Variants in KHDRBS2 observed in about 807,000 individuals in gnomAD.
KHDRBS2 encodes KH domain-containing, RNA-binding, signal transduction-associated protein 2.
In KHDRBS2, 26 loss-of-function variants were observed where a neutral mutation model predicts 44.3. The observed-to-expected ratio is 0.59, with a 90% CI of 0.43 to 0.81. The LOEUF (loss-of-function observed/expected upper bound fraction) is 0.81, where lower values mean the gene tolerates loss of function less well. KHDRBS2 is among the 40% of genes least tolerant of loss of function. The pLI, the probability that KHDRBS2 is intolerant of heterozygous loss-of-function variation, is 0.00. For missense variants in KHDRBS2, 476 were observed against 433.1 expected (o/e 1.10, Z -0.88); for synonymous variants, 194 against 151.1 (o/e 1.28, Z -2.08).
intron 1 of KHDRBS2, among the ~76,000 whole-genome samples, chr6:62,248,078 T>C (rs997823700): frequency 2.0e-5 from 3 of 152,082 alleles, no homozygotes; most frequent in African/African-American, 7.2e-5. Context: ...TTATCAGTTA[T>C]TAGCCTAGAG....
chr6:61,969,882 C>A (rs1770956338), intron 4 of KHDRBS2, among the ~76,000 whole-genome samples: 3 of 148,388 alleles, frequency 2.0e-5, no homozygotes, highest in Non-Finnish European at 1.5e-5. Flanking sequence ...AGGTGTGTTT[C>A]AAAAAAAAAC....
At position 62,032,622 on chromosome 6, in the gene KHDRBS2, C is replaced by T. The variant is rs562309758; in HGVS notation, c.336+15256G>A. On this transcript the variant is annotated intron_variant, in intron 3 of 8. Transcript: ENST00000281156. ...GACAAATAAAACCGTCAAGATGGTA[C>T]CTCTATGAGTCTGCAAGAACCACAG... Among the ~76,000 whole-genome samples the T allele has an allele frequency of 2.1e-3, 320 of 151,656 alleles. 1 individual carries two copies. Among genetic ancestry groups the T allele is most frequent in the African/African-American group, 7.3e-3 (301 of 41,378 alleles).
chr6:61,646,722 T>C, the KHDRBS2 span, among the ~76,000 whole-genome samples: 1 of 152,178 alleles, frequency 6.6e-6, no homozygotes, highest in African/African-American at 2.4e-5. Context: ...CACCTATGTA[T>C]GCAACCAGAA....
At chr6:61,898,059 A>G (rs1196273028) in intron 5 of KHDRBS2, among the ~76,000 whole-genome samples, 2 of 152,138 alleles carry the variant, frequency 1.3e-5, no homozygotes, top group South Asian at 2.1e-4. Flanking sequence ...TATCATAGAT[A>G]GGATTATTGA....
chr6:61,949,836 A>T (rs918330131), intron 4 of KHDRBS2, among the ~76,000 whole-genome samples: 15 of 152,132 alleles, frequency 9.9e-5, no homozygotes, highest in Admixed American at 5.3e-4. Flanking sequence ...AAACAAAAAC[A>T]TCCATAAATT....
chr6:61,607,828 C>T, the KHDRBS2 span, among the ~76,000 whole-genome samples: 1 of 152,128 alleles, frequency 6.6e-6, no homozygotes, highest in African/African-American at 2.4e-5. Flanking sequence ...GCTGGGATTA[C>T]AGCTGTGCAC....
the KHDRBS2 span, among the ~76,000 whole-genome samples, chr6:61,580,305 T>A: frequency 5.9e-5 from 9 of 152,254 alleles, no homozygotes; most frequent in Non-Finnish European, 8.8e-5. Context: ...AATGCACCAA[T>A]CATTACTCTG....
intron 6 of KHDRBS2, among the ~76,000 whole-genome samples, chr6:61,862,113 A>C (rs1797076156): frequency 6.6e-6 from 1 of 151,838 alleles, no homozygotes; most frequent in African/African-American, 2.4e-5. Flanking sequence ...AAGTTGTAGG[A>C]CTCAGATAGC....
the KHDRBS2 span, among the ~76,000 whole-genome samples, chr6:61,612,915 C>T: frequency 4.2e-4 from 54 of 129,466 alleles, no homozygotes; most frequent in Admixed American, 4.9e-3. Flanking sequence ...TGCAGTGGCG[C>T]GATCTCGGCT....
At chr6:61,885,660 A>G (rs1583327903) in intron 6 of KHDRBS2, among the ~76,000 whole-genome samples, 1 of 152,150 alleles carries the variant, frequency 6.6e-6, no homozygotes, top group East Asian at 1.9e-4. Flanking sequence ...ACTATTCTTC[A>G]CAGATAGTCA....
rs539119007 is a variant in KHDRBS2, at chr6:61,925,780, A to G, written c.484-24409T>C. Among the ~76,000 whole-genome samples, 4 of 152,124 alleles carry G rather than the reference A, an allele frequency of 2.6e-5. No individual in the cohort carries two copies. The South Asian group carries it at 6.2e-4, about 24-fold the overall frequency. On this transcript the variant is annotated intron_variant, in intron 4 of 8. Transcript: ENST00000281156. ...TTGTGGGGCAATGAAAACATTTTTAATAAAGATTAACATGTAAGTATTACA... is the reference window on the plus strand; with the variant it reads ...TTGTGGGGCAATGAAAACATTTTTAGTAAAGATTAACATGTAAGTATTACA...
At chr6:62,184,980 T>C (rs1294014972) in intron 1 of KHDRBS2, among the ~76,000 whole-genome samples, 2 of 151,846 alleles carry the variant, frequency 1.3e-5, no homozygotes, top group African/African-American at 2.4e-5. Flanking sequence ...GTTTTTGGAG[T>C]TAAATCTGGG....
chr6:62,110,725 C>G (rs536508189), intron 2 of KHDRBS2, among the ~76,000 whole-genome samples: 1 of 151,950 alleles, frequency 6.6e-6, no homozygotes, highest in Admixed American at 6.6e-5. Flanking sequence ...GTAGAGGAGG[C>G]AAGGAGTGAG....
At chr6:61,883,222 A>C (rs9354269) in intron 6 of KHDRBS2, among the ~76,000 whole-genome samples, 62,717 of 151,700 alleles carry the variant, frequency 0.41, 13,172 homozygotes, top group Admixed American at 0.49. Flanking sequence ...TTTCAAAAAA[A>C]AGATAGAACT....
At chr6:61,921,082 C>T (rs1479704120) in intron 4 of KHDRBS2, among the ~76,000 whole-genome samples, 1 of 151,856 alleles carries the variant, frequency 6.6e-6, no homozygotes, top group Non-Finnish European at 1.5e-5. Context: ...CTTTTAAATT[C>T]AATTCACTTA....
chr6:62,070,448 C>G (rs1391381316), intron 2 of KHDRBS2, among the ~76,000 whole-genome samples: 3 of 151,936 alleles, frequency 2.0e-5, no homozygotes, highest in African/African-American at 7.3e-5. Flanking sequence ...ATTAACTCGT[C>G]ATTTAACATT....
chr6:62,008,888 C>T (rs940570520), intron 3 of KHDRBS2, among the ~76,000 whole-genome samples: 3 of 152,010 alleles, frequency 2.0e-5, no homozygotes, highest in African/African-American at 7.3e-5. Context: ...CAATAAACTT[C>T]TTTTTTTTGT....
At chr6:61,708,201 G>T (rs1263636892) in intron 7 of KHDRBS2, among the ~76,000 whole-genome samples, 2 of 151,406 alleles carry the variant, frequency 1.3e-5, no homozygotes, top group African/African-American at 4.8e-5. Context: ...CATTCACATT[G>T]TTATGAAAAT....
chr6:61,547,530 C>G, the KHDRBS2 span, among the ~76,000 whole-genome samples: 1 of 152,062 alleles, frequency 6.6e-6, no homozygotes, highest in Non-Finnish European at 1.5e-5. Context: ...AAGTAGACTC[C>G]TTAATGAAAG....
Sources: gnomAD v4.1 joint callset for allele counts (sites outside exome capture counted in the v4.1 genomes callset) on GRCh38, gnomAD v4.1.1 for gene constraint, MANE v1.5 for transcripts, NCBI Gene and HGNC (gene_info 2026-07-23, HGNC 2026-07-21) for gene names.